Variants in STRBP observed in about 807,000 individuals in gnomAD.
STRBP encodes the protein spermatid perinuclear RNA binding protein, also known as spermatid perinuclear RNA-binding protein.
In STRBP, 13 loss-of-function variants were observed where a neutral mutation model predicts 80.1. The observed-to-expected ratio is 0.16, with a 90% CI of 0.11 to 0.26. The LOEUF is 0.26. STRBP is among the 10% of genes least tolerant of loss of function. STRBP has a pLI of 1.00. For synonymous variants in STRBP, 284 were observed against 291.2 expected (o/e 0.98, Z 0.25); for missense variants, 485 against 815.2 (o/e 0.59, Z 4.93).
intron 4 of STRBP, 141 bp downstream of exon 4, chr9:123,178,866 T>G (rs924158073): frequency 3.1e-6 from 2 of 645,028 alleles, no homozygotes; most frequent in African/African-American, 3.6e-5. Context: ...AATCTCCATG[T>G]AACATTTACT....
At chr9:123,172,157 A>G (rs1040991963) in intron 5 of STRBP, among the ~76,000 whole-genome samples, 4 of 152,184 alleles carry the variant, frequency 2.6e-5, no homozygotes, top group African/African-American at 9.6e-5. Context: ...GCAACATCTG[A>G]GGATGAGGAA....
chr9:123,112,852 C>G (rs1017545673), intron 3 of STRBP: 2 of 106,272 alleles, frequency 1.9e-5, no homozygotes, highest in African/African-American at 5.0e-5. Flanking sequence ...TGACTTGATT[C>G]TGAAGCAAGG....
At chr9:123,209,436 T>C (rs780774318) in intron 2 of STRBP, among the ~76,000 whole-genome samples, 7 of 152,162 alleles carry the variant, frequency 4.6e-5, no homozygotes, top group Non-Finnish European at 7.3e-5. Context: ...CCTAATCACA[T>C]AGATTTGTGG....
intron 3 of STRBP, among the ~76,000 whole-genome samples, chr9:123,182,857 T>G (rs924694640): frequency 1.5e-4 from 23 of 151,270 alleles, no homozygotes; most frequent in African/African-American, 5.6e-4. Flanking sequence ...ACAAAAAATT[T>G]AAAAATTTGC....
At chr9:123,111,429 G>A (rs1421994949) in intron 3 of STRBP, 4 of 310,540 alleles carry the variant, frequency 1.3e-5, no homozygotes, top group Non-Finnish European at 2.7e-5. Context: ...AAGAAAAAGA[G>A]TCTGACTCGC....
chr9:123,215,334 G>A lies in STRBP; in HGVS notation c.-165+21496C>T, dbSNP rs142342018. Among the ~76,000 whole-genome samples, 157 of 152,214 alleles carry A rather than the reference G, an allele frequency of 1.0e-3. 1 individual carries two copies. In the East Asian group the frequency reaches 0.019, roughly 18 times the overall value. On this transcript the variant is annotated intron_variant, in intron 2 of 18. Coordinates refer to ENST00000348403, the MANE Select transcript of STRBP (RefSeq NM_018387.5). ...AGCCTCCCAAAGCTCTGGGATTATA[G>A]GCATGAGCCACTGTGCCCAGCCTGA...
intron 11 of STRBP, among the ~76,000 whole-genome samples, chr9:123,153,949 A>G (rs768324792): frequency 1.5e-4 from 23 of 152,236 alleles, no homozygotes; most frequent in Non-Finnish European, 2.4e-4. Flanking sequence ...GGAGATGGCA[A>G]CAGAGCTAGA....
At chr9:123,162,227 T>C (rs2037551058) in intron 6 of STRBP, among the ~76,000 whole-genome samples, 1 of 81,480 alleles carries the variant, frequency 1.2e-5, no homozygotes, top group Non-Finnish European at 4.7e-5. Flanking sequence ...CTGTGGTTTT[T>C]TTCTTTTTTT....
At chr9:123,263,954 T>C (rs887033381) in intron 1 of STRBP, among the ~76,000 whole-genome samples, 1 of 151,886 alleles carries the variant, frequency 6.6e-6, no homozygotes. Flanking sequence ...CCGAGGCGGG[T>C]GGATCACAAG....
intron 2 of STRBP, among the ~76,000 whole-genome samples, chr9:123,210,553 C>T (rs1004899510): frequency 5.3e-5 from 8 of 152,068 alleles, no homozygotes; most frequent in African/African-American, 1.9e-4. Context: ...ATCAAGCAGG[C>T]CGGGCGCAGT....
At chr9:123,158,184 C>T in intron 10 of STRBP, 61 bp from the exon 11 acceptor site, 1 of 1,515,132 alleles carries the variant, frequency 6.6e-7, no homozygotes, top group Non-Finnish European at 9.1e-7. Context: ...GCCCTTAGAA[C>T]ATCTAGCTAA....
chr9:123,184,241 C>G lies in STRBP; in HGVS notation c.-107G>C, dbSNP rs2038608142. 9.2e-7 allele frequency: 1 copy of G among 1,092,352 alleles called. No homozygotes were observed. Among genetic ancestry groups the G allele is most frequent in the African/African-American group, 1.6e-5 (1 of 63,910 alleles). 67.7% of individuals were successfully genotyped at this position (1,092,352 alleles called of 1,614,324 possible). A position where few individuals can be genotyped will look rare whatever the true frequency, so the allele number is the denominator to read the frequency against. ...CAATACCTCCTCATAAGCCTGAGTC[C>G]CCTGACAGCTCAGCGTCAATATAGC... On this transcript the variant is annotated 5_prime_UTR_variant, in exon 3 of 19. Coordinates refer to ENST00000348403, the MANE Select transcript of STRBP (RefSeq NM_018387.5).
intron 5 of STRBP, among the ~76,000 whole-genome samples, chr9:123,173,431 T>A (rs574440182): frequency 6.6e-6 from 1 of 152,298 alleles, no homozygotes; most frequent in Non-Finnish European, 1.5e-5. Context: ...CTCAGCAAGA[T>A]ACAACGGAAA....
intron 6 of STRBP, among the ~76,000 whole-genome samples, chr9:123,161,890 C>G (rs1162092521): frequency 1.3e-5 from 2 of 152,216 alleles, no homozygotes. Flanking sequence ...TTTATCTCCT[C>G]TAAGCTACTG....
At chr9:123,249,347 C>T (rs964077908) in intron 1 of STRBP, among the ~76,000 whole-genome samples, 9 of 150,286 alleles carry the variant, frequency 6.0e-5, no homozygotes, top group Non-Finnish European at 1.2e-4. Flanking sequence ...CCACTGCACT[C>T]CAGCCTGGGC....
chr9:123,248,954 A>T (rs1213098537), intron 1 of STRBP, among the ~76,000 whole-genome samples: 2 of 152,216 alleles, frequency 1.3e-5, no homozygotes, highest in Middle Eastern at 3.2e-3. Context: ...TATAAAAAGC[A>T]CTCAAATATT....
chr9:123,161,155 A>G, intron 6 of STRBP, 87 bp from the exon 7 acceptor site: 2 of 1,063,214 alleles, frequency 1.9e-6, no homozygotes, highest in Admixed American at 2.8e-5. Context: ...AATAAAAAGA[A>G]TAACAGCATT....
intron 1 of STRBP, among the ~76,000 whole-genome samples, chr9:123,264,412 T>C (rs547397653): frequency 6.6e-6 from 1 of 152,344 alleles, no homozygotes; most frequent in African/African-American, 2.4e-5. Context: ...ATAAGTTTCA[T>C]CTCTATCCAA....
chr9:123,215,223 G>A (rs1319175856), intron 2 of STRBP, among the ~76,000 whole-genome samples: 1 of 151,670 alleles, frequency 6.6e-6, no homozygotes, highest in African/African-American at 2.4e-5. Context: ...TGCACCACTG[G>A]CTAACTGTTT....
Sources: gnomAD v4.1 joint callset for allele counts (sites outside exome capture counted in the v4.1 genomes callset) on GRCh38, gnomAD v4.1.1 for gene constraint, MANE v1.5 for transcripts, NCBI Gene and HGNC (gene_info 2026-07-23, HGNC 2026-07-21) for gene names.